Variants in MTHFD2L observed in about 807,000 individuals in gnomAD.
The protein encoded by MTHFD2L is methylenetetrahydrofolate dehydrogenase (NADP+ dependent) 2 like.
MTHFD2L carries 29 observed loss-of-function variants against 34.9 expected under a neutral mutation model. The observed-to-expected ratio is 0.83, with a 90% CI of 0.62 to 1.13. MTHFD2L has a LOEUF of 1.13. MTHFD2L is among the 50% of genes most tolerant of loss of function. MTHFD2L has a pLI of 0.00. For synonymous variants in MTHFD2L, 167 were observed against 155.7 expected, an observed-to-expected ratio of 1.07 and a Z score of -0.54; for missense variants, 481 against 446.5, an observed-to-expected ratio of 1.08 and a Z score of -0.70.
In MTHFD2L at chr4:74,175,376, G is replaced by A. The variant is rs1223839197; in HGVS notation, c.424G>A (p.Gly142Ser). The A allele has an allele frequency of 3.7e-6, 6 of 1,611,538 alleles. No homozygotes were observed. The highest frequency in any genetic ancestry group is 1.7e-5 in the Admixed American group (1 of 59,706). Reference protein sequence around the residue: ...DQLNMDPRVSGILVQLPLPDH... With the variant: ...DQLNMDPRVSSILVQLPLPDH... ...ATTGAATATGGACCCAAGAGTCAGCGGTATATTAGTTCAGTTACCACTACC... is the reference window on the plus strand; with the variant it reads ...ATTGAATATGGACCCAAGAGTCAGCAGTATATTAGTTCAGTTACCACTACC... The change falls in exon 3 of 8, where the codon GGT becomes AGT. Residue 142 changes from glycine to serine, a missense_variant. Physicochemically the swap from Gly to Ser is moderately conservative, Grantham distance 56 (BLOSUM62 0). Coordinates refer to ENST00000325278, the MANE Select transcript of MTHFD2L (RefSeq NM_001144978.3).
chr4:74,219,929 C>T (rs572987), intron 5 of MTHFD2L, among the ~76,000 whole-genome samples: 142,223 of 152,156 alleles, frequency 0.93, 66,887 homozygotes, highest in Non-Finnish European at 0.99. Flanking sequence ...GGGTTTTCCA[C>T]GCAGATTGAA....
chr4:74,127,109 G>A (rs1002382877), intron 1 of MTHFD2L, among the ~76,000 whole-genome samples: 7 of 151,998 alleles, frequency 4.6e-5, no homozygotes, highest in East Asian at 1.9e-4. Context: ...AGGCCTCCCC[G>A]GCCCTGCCGA....
At chr4:74,154,842 T>C (rs1724146631), upstream of MTHFD2L, among the ~76,000 whole-genome samples, 1 of 152,138 alleles carries the variant, frequency 6.6e-6, no homozygotes. Flanking sequence ...AATAAATATA[T>C]GTATGTAAAC....
intron 7 of MTHFD2L, chr4:74,288,476 A>G (rs1748473072): frequency 6.6e-6 from 1 of 152,204 alleles, no homozygotes; most frequent in Admixed American, 6.5e-5. Flanking sequence ...GTAAATAATA[A>G]TCTACCCTTT....
At chr4:74,155,117 G>C (rs569664348), upstream of MTHFD2L, among the ~76,000 whole-genome samples, 1 of 152,016 alleles carries the variant, frequency 6.6e-6, no homozygotes, top group Non-Finnish European at 1.5e-5. Context: ...TTATTAACTA[G>C]AGCACAGTGC....
In MTHFD2L at chr4:74,221,717, A is replaced by T. The variant is rs191708514; in HGVS notation, c.713-3585A>T. Among the ~76,000 whole-genome samples the T allele has an allele frequency of 1.8e-3, 279 of 151,992 alleles. 2 individuals carry two copies. The highest frequency in any genetic ancestry group is 3.2e-3 in the Non-Finnish European group (219 of 67,876). On this transcript the variant is annotated intron_variant, in intron 5 of 7. Coordinates refer to ENST00000325278, the MANE Select transcript of MTHFD2L (RefSeq NM_001144978.3). ...TTGAAAATATTGTTCATTTAAATAA[A>T]TGACAAGGAAATTTATATTTGTTTT...
chr4:74,230,229 A>G (rs540974681), intron 6 of MTHFD2L, among the ~76,000 whole-genome samples: 2 of 152,312 alleles, frequency 1.3e-5, no homozygotes, highest in East Asian at 3.9e-4. Context: ...TTATTCATGA[A>G]AGAGTAGTTC....
chr4:74,171,024 T>C (rs1727851652), intron 1 of MTHFD2L, among the ~76,000 whole-genome samples: 1 of 151,004 alleles, frequency 6.6e-6, no homozygotes, highest in Admixed American at 6.6e-5. Flanking sequence ...ATATACCTAA[T>C]GCTAAATGAC....
At chr4:74,135,695 AT>A (rs34474385) in intron 1 of MTHFD2L, among the ~76,000 whole-genome samples, 2 of 149,938 alleles carry the variant, frequency 1.3e-5, no homozygotes, top group African/African-American at 4.9e-5. Flanking sequence ...ACAAGGACAC[AT>A]TTTTTTTTTA....
intron 6 of MTHFD2L, among the ~76,000 whole-genome samples, chr4:74,231,519 T>C (rs1011636738): frequency 3.3e-5 from 5 of 152,190 alleles, no homozygotes; most frequent in Admixed American, 1.3e-4. Context: ...TCATTTCTTA[T>C]TTGTTATTGT....
intron 7 of MTHFD2L, among the ~76,000 whole-genome samples, chr4:74,282,514 T>C (rs1287021323): frequency 6.6e-6 from 1 of 152,136 alleles, no homozygotes; most frequent in Non-Finnish European, 1.5e-5. Context: ...TTACCCAAGT[T>C]CTAGCATATT....
At chr4:74,244,439 C>T (rs756906777) in intron 6 of MTHFD2L, among the ~76,000 whole-genome samples, 4 of 152,172 alleles carry the variant, frequency 2.6e-5, no homozygotes, top group Admixed American at 1.3e-4. Context: ...TATACTAGCC[C>T]TCTGTACTAA....
chr4:74,292,793 G>C (rs1046143154), intron 7 of MTHFD2L, among the ~76,000 whole-genome samples: 4 of 152,040 alleles, frequency 2.6e-5, no homozygotes, highest in African/African-American at 7.2e-5. Flanking sequence ...TTCACTGATA[G>C]GTCATAGCTG....
chr4:74,182,604 C>T (rs564243174), intron 3 of MTHFD2L: 1 of 152,164 alleles, frequency 6.6e-6, no homozygotes. Flanking sequence ...GCCCATGCCC[C>T]TAAGTTGTTT....
intron 3 of MTHFD2L, chr4:74,181,757 A>G (rs1169486814): frequency 2.0e-5 from 3 of 152,192 alleles, no homozygotes; most frequent in African/African-American, 4.8e-5. Context: ...AGAAATGAGA[A>G]TGAACTATAG....
At chr4:74,158,116 C>G, upstream of MTHFD2L, 1 of 1,529,660 alleles carries the variant, frequency 6.5e-7, no homozygotes, top group Non-Finnish European at 8.8e-7. Flanking sequence ...GAGCCCCAGT[C>G]CGGAAGCCGG....
chr4:74,175,338 A>G lies in MTHFD2L; in HGVS notation c.386A>G (p.Asp129Gly). ...PKDVSQEELLDVTDQLNMDPR... is the reference protein window; with the variant it reads ...PKDVSQEELLGVTDQLNMDPR... ...GATGTTTCTCAGGAAGAACTTTTGG[A>G]CGTAACTGATCAATTGAATATGGAC... is the stretch of plus-strand genomic sequence containing the variant. The change falls in exon 3 of 8, where the codon GAC becomes GGC. Residue 129 changes from aspartate (D) to glycine (G), a missense_variant. Asp to Gly is a moderately conservative substitution (Grantham distance 94). Transcript: ENST00000325278. 1 of 1,613,312 alleles carries G rather than the reference A, an allele frequency of 6.2e-7. No individual in the cohort carries two copies.
At chr4:74,292,837 A>C (rs1278531635) in intron 7 of MTHFD2L, among the ~76,000 whole-genome samples, 1 of 151,922 alleles carries the variant, frequency 6.6e-6, no homozygotes, top group Non-Finnish European at 1.5e-5. Flanking sequence ...TTTAGTAGAA[A>C]TATCTTTTTT....
chr4:74,199,398 A>G (rs184090036), intron 3 of MTHFD2L, among the ~76,000 whole-genome samples: 3 of 152,332 alleles, frequency 2.0e-5, no homozygotes, highest in Admixed American at 2.0e-4. Context: ...TATTCGAAGT[A>G]TTTAATAGAA....
Sources: gnomAD v4.1 joint callset for allele counts (sites outside exome capture counted in the v4.1 genomes callset) on GRCh38, gnomAD v4.1.1 for gene constraint, MANE v1.5 for transcripts, NCBI Gene and HGNC (gene_info 2026-07-23, HGNC 2026-07-21) for gene names.